Variants in ZNF736 observed in about 807,000 individuals in gnomAD.
The protein encoded by ZNF736 is zinc finger protein 736.
Under a neutral mutation model 11.7 loss-of-function variants are expected in ZNF736, and 6 were observed. The observed-to-expected ratio is 0.51, with a 90% CI of 0.28 to 1.01. ZNF736 has a LOEUF of 1.01. ZNF736 is among the 50% of genes least tolerant of loss of function. The pLI, the probability that ZNF736 is intolerant of heterozygous loss-of-function variation, is 0.09. For synonymous variants in ZNF736, 139 were observed against 164.7 expected (o/e 0.84, Z 1.19); for missense variants, 444 against 496.0 (o/e 0.90, Z 1.00).
At position 64,329,665 on chromosome 7, in the gene ZNF736, T is replaced by A. The variant is rs374377122; in HGVS notation, c.4-6594T>A. Among the ~76,000 whole-genome samples the A allele has an allele frequency of 6.6e-5, 10 of 152,162 alleles. No individual in the cohort carries two copies. In the East Asian group the frequency reaches 1.3e-3, roughly 21 times the overall value. On this transcript the variant is annotated intron_variant, in intron 1 of 3. Transcript: ENST00000423484. ...CCTGGAGCTGGAGTGGGTGTAACAC[T>A]AGCACCCCTGTGGCCACCATCACTA... is the stretch of plus-strand genomic sequence containing the variant.
rs187825997 is a variant in ZNF736, at chr7:64,356,596, A to G, written c.*7449A>G. ...ACTTAAATTATTTACTTATTTAAGA[A>G]ATCTAATTACATTTTAAATAAATTG... On this transcript the variant is annotated 3_prime_UTR_variant, in exon 4 of 4. Transcript: ENST00000423484. Among the ~76,000 whole-genome samples the G allele has an allele frequency of 1.3e-3, 199 of 152,262 alleles. No individual in the cohort carries two copies. Among genetic ancestry groups the G allele is most frequent in the African/African-American group, 4.6e-3 (193 of 41,580 alleles).
chr7:64,336,188 T>C (rs1789245884), intron 1 of ZNF736, 71 bp from the exon 2 acceptor site: 3 of 1,542,132 alleles, frequency 1.9e-6, no homozygotes, highest in African/African-American at 1.4e-5. Flanking sequence ...GCTATCTTTA[T>C]TCTCATTTTA....
In ZNF736 at chr7:64,349,819, T is replaced by C. The variant is rs1040520331; in HGVS notation, c.*672T>C. 5 of 152,308 alleles carry C rather than the reference T, an allele frequency of 3.3e-5. No individual in the cohort carries two copies. Among genetic ancestry groups the C allele is most frequent in the African/African-American group, 4.8e-5 (2 of 41,462 alleles). 9.4% of individuals were successfully genotyped at this position (152,308 alleles called of 1,614,324 possible). On this transcript the variant is annotated 3_prime_UTR_variant, in exon 4 of 4. Coordinates refer to ENST00000423484, the MANE Select transcript of ZNF736 (RefSeq NM_001170905.3). The stretch of plus-strand genomic sequence containing the variant: ...ATATATATTTTTTACTTCTGAAGCT[T>C]ACCTTGGTCAGATATGAAATTCTGT...
At position 64,353,664 on chromosome 7, in the gene ZNF736, T is replaced by A. The variant is rs942906396; in HGVS notation, c.*4517T>A. The A allele has an allele frequency of 2.7e-5, 4 of 148,904 alleles. No homozygotes were observed. Among genetic ancestry groups the A allele is most frequent in the South Asian group, 4.3e-4 (2 of 4,636 alleles). 9.2% of individuals were successfully genotyped at this position (148,904 alleles called of 1,614,324 possible). On this transcript the variant is annotated 3_prime_UTR_variant, in exon 4 of 4. Transcript: ENST00000423484. Reference sequence around the variant, plus strand: ...ATGGAGGATTAAGTAAACTGAAACCTAAGACACACGAAGAAATTCTAAGTG... The same window carrying A: ...ATGGAGGATTAAGTAAACTGAAACCAAAGACACACGAAGAAATTCTAAGTG...
In ZNF736 at chr7:64,348,211, C is replaced by G. The variant is rs1156420679; in HGVS notation, c.348C>G (p.Asp116Glu). 6.4e-7 allele frequency: 1 copy of G among 1,551,684 alleles called. No individual in the cohort carries two copies. The highest frequency in any genetic ancestry group is 8.7e-7 in the Non-Finnish European group (1 of 1,146,876). The change falls in exon 4 of 4, where the codon GAC becomes GAG. Residue 116 changes from aspartate to glutamate, a missense_variant. Transcript: ENST00000423484. ...CDLNNLHLKK[D>E]YQSVGNCKGQ... ...TTAATAATTTACATTTAAAGAAAGA[C>G]TACCAAAGTGTGGGTAATTGCAAGG...
chr7:64,314,215 C>A, intron 1 of ZNF736, 62 bp downstream of exon 1: 1 of 1,544,382 alleles, frequency 6.5e-7, no homozygotes, highest in East Asian at 2.4e-5. Context: ...CGGCCGGAAC[C>A]GGCTGCGGTG....
chr7:64,348,381 A>T lies in ZNF736; in HGVS notation c.518A>T (p.His173Leu), dbSNP rs1489965890. ...HKDIFSREKC[H>L]KCEECGKDCR... ...GACATTTTTAGCAGAGAGAAATGCC[A>T]CAAATGTGAAGAATGTGGCAAAGAC... The change falls in exon 4 of 4, where the codon CAC becomes CTC. Residue 173 changes from histidine to leucine, a missense_variant. Coordinates refer to ENST00000423484, the MANE Select transcript of ZNF736 (RefSeq NM_001170905.3). The T allele has an allele frequency of 6.4e-7, 1 of 1,551,164 alleles. No individual in the cohort carries two copies. Among genetic ancestry groups the T allele is most frequent in the Non-Finnish European group, 8.7e-7 (1 of 1,146,854 alleles).
rs1789514595 is a variant in ZNF736, at chr7:64,353,234, G to A, written c.*4087G>A. 6.6e-6 allele frequency: 1 copy of A among 152,242 alleles called. No homozygotes were observed. 9.4% of individuals were successfully genotyped at this position (152,242 alleles called of 1,614,324 possible). A position where few individuals can be genotyped will look rare whatever the true frequency, so the allele number is the denominator to read the frequency against. ...ACACATGCACTCACTGCTTTACTGG[G>A]TGGGGAGGTTCCCTTGGCTCCATGT... On this transcript the variant is annotated 3_prime_UTR_variant, in exon 4 of 4. Coordinates refer to ENST00000423484, the MANE Select transcript of ZNF736 (RefSeq NM_001170905.3).
chr7:64,334,940 G>A (rs1192679533), intron 1 of ZNF736, among the ~76,000 whole-genome samples: 2 of 152,162 alleles, frequency 1.3e-5, no homozygotes, highest in Admixed American at 6.5e-5. Flanking sequence ...TATACACCAT[G>A]GAATACTATG....
intron 3 of ZNF736, among the ~76,000 whole-genome samples, chr7:64,343,045 C>T (rs868072295): frequency 4.6e-5 from 7 of 152,180 alleles, no homozygotes; most frequent in Middle Eastern, 3.4e-3. Flanking sequence ...TTCATATTTT[C>T]TCATCAAAGC....
rs1413755884 is a variant in ZNF736 at position 64,356,471 on chromosome 7, TA to T, written c.*7331del. On this transcript the variant is annotated 3_prime_UTR_variant, in exon 4 of 4. Transcript: ENST00000423484. ...AAAATGTTTTTAAGTTGCCTATTTT[TA>T]AAAAAATCTATCAATTTTGAATTGC... Among the ~76,000 whole-genome samples the T allele has an allele frequency of 6.6e-6, 1 of 152,172 alleles. No individual in the cohort carries two copies. Among genetic ancestry groups the T allele is most frequent in the Non-Finnish European group, 1.5e-5 (1 of 68,010 alleles).
chr7:64,346,236 A>C (rs1184957335), intron 3 of ZNF736, among the ~76,000 whole-genome samples: 1 of 152,180 alleles, frequency 6.6e-6, no homozygotes, highest in Non-Finnish European at 1.5e-5. Context: ...AAATTATATG[A>C]AATATGACCA....
intron 1 of ZNF736, among the ~76,000 whole-genome samples, chr7:64,333,678 A>G (rs1584271088): frequency 6.6e-6 from 1 of 152,032 alleles, no homozygotes; most frequent in South Asian, 2.1e-4. Context: ...ATCCGTGCTC[A>G]TGGATAGGAA....
chr7:64,332,178 CAT>C (rs1286498012), intron 1 of ZNF736, among the ~76,000 whole-genome samples: 4 of 148,732 alleles, frequency 2.7e-5, no homozygotes, highest in Non-Finnish European at 5.9e-5. Context: ...TCTGAAATAT[CAT>C]GTGTGTAGAA....
chr7:64,335,410 C>T (rs186105797), intron 1 of ZNF736, among the ~76,000 whole-genome samples: 67 of 152,198 alleles, frequency 4.4e-4, no homozygotes, highest in African/African-American at 1.5e-3. Context: ...GATTGTTGAC[C>T]CTTTTTTGTG....
rs183356698 is a variant in ZNF736, at chr7:64,327,220, A to G, written c.4-9039A>G. Reference sequence around the variant, plus strand: ...ATCTGAGTTCTCCAATGTTAGGTGCATATAAATTTGCAGTTGTTGTATTTT... The same window carrying G: ...ATCTGAGTTCTCCAATGTTAGGTGCGTATAAATTTGCAGTTGTTGTATTTT... On this transcript the variant is annotated intron_variant, in intron 1 of 3. Coordinates refer to ENST00000423484, the MANE Select transcript of ZNF736 (RefSeq NM_001170905.3). Among the ~76,000 whole-genome samples the G allele has an allele frequency of 2.6e-3, 391 of 152,318 alleles. 2 individuals are homozygous for G. The highest frequency in any genetic ancestry group is 9.1e-3 in the African/African-American group (377 of 41,572).
At position 64,352,990 on chromosome 7, in the gene ZNF736, T is replaced by C. The variant is rs1468790639; in HGVS notation, c.*3843T>C. On this transcript the variant is annotated 3_prime_UTR_variant, in exon 4 of 4. Coordinates refer to ENST00000423484, the MANE Select transcript of ZNF736 (RefSeq NM_001170905.3). ...TCTTTCCTATGGGTATGTTCAGGGG[T>C]GTAACCTGCTTTGCTCGAGTTGCAG... 2 of 152,370 alleles carry C rather than the reference T, an allele frequency of 1.3e-5. No individual in the cohort carries two copies. The highest frequency in any genetic ancestry group is 6.5e-5 in the Admixed American group (1 of 15,282). 9.4% of individuals were successfully genotyped at this position (152,370 alleles called of 1,614,324 possible).
chr7:64,328,975 A>G (rs1377414409), intron 1 of ZNF736, among the ~76,000 whole-genome samples: 1 of 146,202 alleles, frequency 6.8e-6, no homozygotes, highest in Non-Finnish European at 1.5e-5. Context: ...TTTTGGTCTC[A>G]TCTGACTGTA....
At chr7:64,341,972 G>T (rs1293182746) in intron 3 of ZNF736, among the ~76,000 whole-genome samples, 3 of 148,892 alleles carry the variant, frequency 2.0e-5, no homozygotes, top group African/African-American at 7.3e-5. Context: ...CAATGGAATT[G>T]ATTCTTGAAA....
Sources: gnomAD v4.1 joint callset for allele counts (sites outside exome capture counted in the v4.1 genomes callset) on GRCh38, gnomAD v4.1.1 for gene constraint, MANE v1.5 for transcripts, NCBI Gene and HGNC (gene_info 2026-07-23, HGNC 2026-07-21) for gene names.